Variants in TMPPE observed in about 807,000 individuals in gnomAD.
TMPPE encodes the protein transmembrane protein with metallophosphoesterase domain.
A neutral mutation model predicts 22.6 loss-of-function variants in TMPPE; 16 were observed. That is an observed-to-expected ratio of 0.71 (90% CI 0.48 to 1.08). The LOEUF is 1.08. Among genes scored for constraint, TMPPE ranks in the 50% least tolerant of loss-of-function variants. TMPPE has a pLI of 0.00. For synonymous variants in TMPPE, 240 were observed against 245.3 expected, an observed-to-expected ratio of 0.98 and a Z score of 0.20; for missense variants, 526 against 584.3, an observed-to-expected ratio of 0.90 and a Z score of 1.03.
In TMPPE at chr3:33,094,081, C is replaced by G; in HGVS notation, c.115G>C (p.Ala39Pro). 1 of 1,614,232 alleles carries G rather than the reference C, an allele frequency of 6.2e-7. No individual in the cohort carries two copies. The highest frequency in any genetic ancestry group is 8.5e-7 in the Non-Finnish European group (1 of 1,180,046). ...SYLAESLELRAWRWLLRLQLA... is the reference protein window; with the variant it reads ...SYLAESLELRPWRWLLRLQLA... ...TGCAAGCGAAGCAGCCAACGCCAGG[C>G]CCTGAGCTCAAGGCTCTCTGCCAGA... Residue 39 changes from alanine to proline, a missense_variant, in exon 2 of 2, where the codon GCC (alanine) becomes CCC (proline). Coordinates refer to ENST00000342462, the MANE Select transcript of TMPPE (RefSeq NM_001039770.3).
chr3:33,093,966 G>A lies in TMPPE; in HGVS notation c.230C>T (p.Ala77Val), dbSNP rs1440760494. 3 of 1,614,074 alleles carry A rather than the reference G, an allele frequency of 1.9e-6. No individual in the cohort carries two copies. In the African/African-American group the frequency reaches 4.0e-5, roughly 22 times the overall value. ...CCAAAGCTGAAAACAGGTTGACTCTGCAGCTGGGGAGTGGCAGAGGTTGCT... is the reference window on the plus strand; with the variant it reads ...CCAAAGCTGAAAACAGGTTGACTCTACAGCTGGGGAGTGGCAGAGGTTGCT... ...TVSNLCHSPA[A>V]ESTCFQLWKV... Residue 77 changes from alanine to valine, a missense_variant, in exon 2 of 2, where the codon GCA (alanine) becomes GTA (valine). Transcript: ENST00000342462. This position sits in a 1 kb window ranked among gnomAD's most constrained non-coding sequence, Gnocchi z 6.0.
Position 33,096,832 on chromosome 3 carries a change from G to A in TMPPE, c.-222C>T. 3 of 1,344,452 alleles carry A rather than the reference G, an allele frequency of 2.2e-6. No homozygotes were observed. The highest frequency in any genetic ancestry group is 2.9e-6 in the Non-Finnish European group (3 of 1,045,764). 83.3% of individuals were successfully genotyped at this position (1,344,452 alleles called of 1,614,324 possible). ...GAAGGACGCGCGCCCCGCCCGGCCC[G>A]CCCCCGACGGGAAGGCCGGTCCACT... On this transcript the variant is annotated 5_prime_UTR_variant, in exon 1 of 2. Coordinates refer to ENST00000342462, the MANE Select transcript of TMPPE (RefSeq NM_001039770.3).
At chr3:33,095,612 C>A (rs73043358) in intron 1 of TMPPE, among the ~76,000 whole-genome samples, 6,491 of 152,250 alleles carry the variant, frequency 0.043, 217 homozygotes, top group Middle Eastern at 0.065. Context: ...AGCCACAGGG[C>A]ATCCACCCTG....
chr3:33,096,928 G>A lies in TMPPE; in HGVS notation c.-318C>T. On this transcript the variant is annotated 5_prime_UTR_variant, in exon 1 of 2. Transcript: ENST00000342462. ...CTCAGGCTCCCCGCCCTGCGGGACCGCGGGTGGCTGCGACCCCAGCCCGGT... is the reference window on the plus strand; with the variant it reads ...CTCAGGCTCCCCGCCCTGCGGGACCACGGGTGGCTGCGACCCCAGCCCGGT... The A allele has an allele frequency of 8.4e-6, 13 of 1,546,628 alleles. No homozygotes were observed. The highest frequency in any genetic ancestry group is 1.1e-5 in the Non-Finnish European group (13 of 1,147,334).
intron 1 of TMPPE, among the ~76,000 whole-genome samples, chr3:33,094,812 T>C (rs1287030527): frequency 1.3e-5 from 2 of 152,228 alleles, no homozygotes; most frequent in Non-Finnish European, 2.9e-5. Flanking sequence ...TGTAAAACAG[T>C]GCAACTCTTC....
chr3:33,093,975 G>A lies in TMPPE; in HGVS notation c.221C>T (p.Ser74Phe). Residue 74 changes from serine to phenylalanine, a missense_variant, in exon 2 of 2, where the codon TCC becomes TTC. Physicochemically the swap from Ser to Phe is radical, Grantham distance 155 (BLOSUM62 -2). Coordinates refer to ENST00000342462, the MANE Select transcript of TMPPE (RefSeq NM_001039770.3). This position sits in a 1 kb window ranked among gnomAD's most constrained non-coding sequence, Gnocchi z 6.0. ...AAAACAGGTTGACTCTGCAGCTGGGGAGTGGCAGAGGTTGCTCACTGTGCT... is the reference window on the plus strand; with the variant it reads ...AAAACAGGTTGACTCTGCAGCTGGGAAGTGGCAGAGGTTGCTCACTGTGCT... ...WRSTVSNLCH[S>F]PAAESTCFQL... 1.9e-6 allele frequency: 3 copies of A among 1,614,196 alleles called. No individual in the cohort carries two copies. The highest frequency in any genetic ancestry group is 2.5e-6 in the Non-Finnish European group (3 of 1,180,026).
rs1011565871 is a variant in TMPPE at position 33,090,748 on chromosome 3, A to G, written c.*2086T>C. 5.0e-5 allele frequency: 49 copies of G among 985,426 alleles called. No homozygotes were observed. Among genetic ancestry groups the G allele is most frequent in the Middle Eastern group, 5.2e-4 (1 of 1,914 alleles). 61.0% of individuals were successfully genotyped at this position (985,426 alleles called of 1,614,324 possible). A position where few individuals can be genotyped will look rare whatever the true frequency, so the allele number is the denominator to read the frequency against. On this transcript the variant is annotated 3_prime_UTR_variant, in exon 2 of 2. Coordinates refer to ENST00000342462, the MANE Select transcript of TMPPE (RefSeq NM_001039770.3). ...TGCAAAAATGTCCGCCGCGTCAGGGAATACAAACCACATACGAGAGGGTGT... is the reference window on the plus strand; with the variant it reads ...TGCAAAAATGTCCGCCGCGTCAGGGGATACAAACCACATACGAGAGGGTGT...
chr3:33,094,253 A>G lies in TMPPE; in HGVS notation c.-58T>C. The G allele has an allele frequency of 3.9e-6, 6 of 1,524,566 alleles. No individual in the cohort carries two copies. Among genetic ancestry groups the G allele is most frequent in the Non-Finnish European group, 5.3e-6 (6 of 1,136,594 alleles). 94.4% of individuals were successfully genotyped at this position (1,524,566 alleles called of 1,614,324 possible). On this transcript the variant is annotated 5_prime_UTR_variant, in exon 2 of 2. Coordinates refer to ENST00000342462, the MANE Select transcript of TMPPE (RefSeq NM_001039770.3). ...TCTGTGCTGGTGGACTCTGGAAATG[A>G]GTTCCTTAGAAAGGACAGTGGCCAA...
chr3:33,090,547 GAAAC>G lies in TMPPE; in HGVS notation c.*2283_*2286del, dbSNP rs1236235799. ...TTGCATCTAACAGATTAAAAATAAAGAAACAAATGAAATTGAAAGAATGATCAAG... is the reference window on the plus strand; with the variant it reads ...TTGCATCTAACAGATTAAAAATAAAGAAATGAAATTGAAAGAATGATCAAG... On this transcript the variant is annotated 3_prime_UTR_variant, in exon 2 of 2. Coordinates refer to ENST00000342462, the MANE Select transcript of TMPPE (RefSeq NM_001039770.3). 1 of 985,312 alleles carries G rather than the reference GAAAC, an allele frequency of 1.0e-6. No individual in the cohort carries two copies. Among genetic ancestry groups the G allele is most frequent in the African/African-American group, 1.7e-5 (1 of 57,306 alleles). The allele number at this position is 985,312 out of a possible 1,614,324, so 61.0% of individuals were successfully genotyped here. A position where few individuals can be genotyped will look rare whatever the true frequency, so the allele number is the denominator to read the frequency against.
In TMPPE at chr3:33,090,766, G is replaced by A. The variant is rs1700723436; in HGVS notation, c.*2068C>T. 2.0e-6 allele frequency: 2 copies of A among 985,282 alleles called. No individual in the cohort carries two copies. The highest frequency in any genetic ancestry group is 4.7e-5 in the South Asian group (1 of 21,288). 61.0% of individuals were successfully genotyped at this position (985,282 alleles called of 1,614,324 possible). ...GTCAGGGAATACAAACCACATACGA[G>A]AGGGTGTTGATGTTGTTTCTCAGAT... On this transcript the variant is annotated 3_prime_UTR_variant, in exon 2 of 2. Transcript: ENST00000342462.
In TMPPE at chr3:33,094,243, T is replaced by G. The variant is rs771322276; in HGVS notation, c.-48A>C. 7 of 1,529,266 alleles carry G rather than the reference T, an allele frequency of 4.6e-6. No individual in the cohort carries two copies. The highest frequency in any genetic ancestry group is 2.3e-5 in the East Asian group (1 of 44,056). 94.7% of individuals were successfully genotyped at this position (1,529,266 alleles called of 1,614,324 possible). On this transcript the variant is annotated 5_prime_UTR_variant, in exon 2 of 2. Transcript: ENST00000342462. ...CCCCACCAGTTCTGTGCTGGTGGAC[T>G]CTGGAAATGAGTTCCTTAGAAAGGA...
Position 33,091,042 on chromosome 3 carries a change from C to T in TMPPE, c.*1792G>A. 1 of 985,306 alleles carries T rather than the reference C, an allele frequency of 1.0e-6. No individual in the cohort carries two copies. Among genetic ancestry groups the T allele is most frequent in the Non-Finnish European group, 1.2e-6 (1 of 829,920 alleles). The allele number at this position is 985,306 out of a possible 1,614,324, so 61.0% of individuals were successfully genotyped here. A position where few individuals can be genotyped will look rare whatever the true frequency, so the allele number is the denominator to read the frequency against. Reference sequence around the variant, plus strand: ...ACGTAACAGGTGAGTCAAACATTACCAGCCGCATCAAACAGTGGAAGTGAA... The same window carrying T: ...ACGTAACAGGTGAGTCAAACATTACTAGCCGCATCAAACAGTGGAAGTGAA... On this transcript the variant is annotated 3_prime_UTR_variant, in exon 2 of 2. Transcript: ENST00000342462.
chr3:33,094,062 C>T lies in TMPPE; in HGVS notation c.134G>A (p.Arg45His), dbSNP rs745542079. Residue 45 changes from arginine (R) to histidine (H), a missense_variant, in exon 2 of 2, where the codon CGC (arginine) becomes CAC (histidine). Physicochemically the swap from Arg to His is conservative, Grantham distance 29 (BLOSUM62 0). Transcript: ENST00000342462. The part of the protein sequence containing the change: ...LELRAWRWLL[R>H]LQLALFVNSL... ...GTTGACAAACAGGGCAAGCTGCAAGCGAAGCAGCCAACGCCAGGCCCTGAG... is the reference window on the plus strand; with the variant it reads ...GTTGACAAACAGGGCAAGCTGCAAGTGAAGCAGCCAACGCCAGGCCCTGAG... 6 of 1,614,104 alleles carry T rather than the reference C, an allele frequency of 3.7e-6. No individual in the cohort carries two copies. The highest frequency in any genetic ancestry group is 3.3e-5 in the Admixed American group (2 of 60,016).
At position 33,090,844 on chromosome 3, in the gene TMPPE, A is replaced by C; in HGVS notation, c.*1990T>G. On this transcript the variant is annotated 3_prime_UTR_variant, in exon 2 of 2. Coordinates refer to ENST00000342462, the MANE Select transcript of TMPPE (RefSeq NM_001039770.3). Reference sequence around the variant, plus strand: ...CTAATAGAAAGCAATCAGTCAAGCAAGGACTTCAGAGTGGATGAAGGGTAC... The same window carrying C: ...CTAATAGAAAGCAATCAGTCAAGCACGGACTTCAGAGTGGATGAAGGGTAC... 2 of 985,464 alleles carry C rather than the reference A, an allele frequency of 2.0e-6. No individual in the cohort carries two copies. Among genetic ancestry groups the C allele is most frequent in the Non-Finnish European group, 2.4e-6 (2 of 829,946 alleles). The allele number at this position is 985,464 out of a possible 1,614,324, so 61.0% of individuals were successfully genotyped here.
intron 1 of TMPPE, among the ~76,000 whole-genome samples, chr3:33,095,887 C>T (rs954683217): frequency 6.6e-6 from 1 of 152,206 alleles, no homozygotes; most frequent in African/African-American, 2.4e-5. Flanking sequence ...TGTCTACATA[C>T]TGGGGTAGGG....
Position 33,092,963 on chromosome 3 carries a change from A to G in TMPPE, c.1233T>C (p.Phe411=). The change falls in exon 2 of 2, where the codon TTT becomes TTC. Residue 411 remains phenylalanine, a synonymous_variant. Coordinates refer to ENST00000342462, the MANE Select transcript of TMPPE (RefSeq NM_001039770.3). ...CCTGGGCCACCTGGTAGAGACCAGC[A>G]AAGAAGGGATTCAGGAGATAGGCTG... ...NVAAYLLNPF[F]AGLYQVAQAT... 6.2e-7 allele frequency: 1 copy of G among 1,614,226 alleles called. No homozygotes were observed. Among genetic ancestry groups the G allele is most frequent in the East Asian group, 2.2e-5 (1 of 44,876 alleles).
chr3:33,096,625 G>A (rs1479390633), intron 1 of TMPPE, 94 bp downstream of exon 1: 18 of 1,066,400 alleles, frequency 1.7e-5, no homozygotes, highest in East Asian at 8.7e-5. Context: ...CTGGGAAAGC[G>A]AGGGCGCCCC....
In TMPPE at chr3:33,091,082, C is replaced by T; in HGVS notation, c.*1752G>A. ...GTGGAAGTGAAATGGCACCATCTAG[C>T]CCACCTGGTGAAATCCAAAGCGAGA... On this transcript the variant is annotated 3_prime_UTR_variant, in exon 2 of 2. Coordinates refer to ENST00000342462, the MANE Select transcript of TMPPE (RefSeq NM_001039770.3). The T allele has an allele frequency of 1.0e-6, 1 of 985,338 alleles. No homozygotes were observed. Among genetic ancestry groups the T allele is most frequent in the African/African-American group, 1.7e-5 (1 of 57,292 alleles). 61.0% of individuals were successfully genotyped at this position (985,338 alleles called of 1,614,324 possible).
chr3:33,094,355 C>T, intron 1 of TMPPE, 52 bp from the exon 2 acceptor site: 1 of 1,401,380 alleles, frequency 7.1e-7, no homozygotes, highest in Non-Finnish European at 9.3e-7. Context: ...TGTCCTTGTA[C>T]CCATTCAAAA....
Sources: gnomAD v4.1 joint callset for allele counts (sites outside exome capture counted in the v4.1 genomes callset) on GRCh38, gnomAD v4.1.1 for gene constraint, Gnocchi (gnomAD v3.1) non-coding constraint, MANE v1.5 for transcripts, NCBI Gene and HGNC (gene_info 2026-07-23, HGNC 2026-07-21) for gene names.